The following ASIC2 variants were observed in gnomAD, a reference collection of about 807,000 sequenced individuals.
ASIC2 encodes the protein acid sensing ion channel subunit 2.
ASIC2 carries 25 observed loss-of-function variants against 57.3 expected under a neutral mutation model. That is an observed-to-expected ratio of 0.44 (90% confidence interval 0.32 to 0.61). The LOEUF (loss-of-function observed/expected upper bound fraction) is 0.61. Among genes scored for constraint, ASIC2 ranks in the 20% least tolerant of loss-of-function variants. ASIC2 has a pLI of 0.06. For synonymous variants in ASIC2, 319 were observed against 307.5 expected (o/e 1.04, Z -0.39); for missense variants, 641 against 738.1 (o/e 0.87, Z 1.52).
At chr17:33,307,554 C>A (rs1957091858) in intron 1 of ASIC2, among the ~76,000 whole-genome samples, 1 of 152,222 alleles carries the variant, frequency 6.6e-6, no homozygotes, top group Non-Finnish European at 1.5e-5. Context: ...AGGTGATCCA[C>A]CCGCCTCAGC....
At chr17:33,455,463 T>A (rs912752371) in intron 1 of ASIC2, among the ~76,000 whole-genome samples, 1 of 152,262 alleles carries the variant, frequency 6.6e-6, no homozygotes, top group African/African-American at 2.4e-5. Flanking sequence ...GTTTCTTTGT[T>A]AATTTACCTG....
chr17:33,899,206 A>G (rs1915178560), intron 1 of ASIC2, among the ~76,000 whole-genome samples: 1 of 151,638 alleles, frequency 6.6e-6, no homozygotes, highest in Non-Finnish European at 1.5e-5. Context: ...AGCTCCATTT[A>G]AGGAAGTATT....
chr17:33,073,387 G>A (rs1386522395), intron 3 of ASIC2, among the ~76,000 whole-genome samples: 1 of 152,198 alleles, frequency 6.6e-6, no homozygotes, highest in Non-Finnish European at 1.5e-5. Flanking sequence ...TGCGAGCTCA[G>A]AAGCAGCATG....
intron 4 of ASIC2, among the ~76,000 whole-genome samples, chr17:33,027,615 G>C (rs920752705): frequency 1.3e-5 from 2 of 152,174 alleles, no homozygotes; most frequent in Non-Finnish European, 2.9e-5. Context: ...TTAGTAACCA[G>C]GTCATACAGT....
chr17:33,759,442 A>G (rs1387606323), intron 1 of ASIC2, among the ~76,000 whole-genome samples: 2 of 152,208 alleles, frequency 1.3e-5, no homozygotes, highest in Non-Finnish European at 2.9e-5. Flanking sequence ...GTGGGAGATA[A>G]TAATAAAAAG....
chr17:33,173,935 G>T (rs1365053244), intron 1 of ASIC2, among the ~76,000 whole-genome samples: 2 of 152,184 alleles, frequency 1.3e-5, no homozygotes, highest in Non-Finnish European at 2.9e-5. Context: ...AGTAGCCTTT[G>T]AAGTGTTGAG....
Position 34,086,423 on chromosome 17 carries a change from T to C in ASIC2, c.555+69555A>G, listed in dbSNP as rs1266033510. On this transcript the variant is annotated intron_variant, in intron 1 of 9. Coordinates refer to the ASIC2 transcript ENST00000359872. ...GAGAGATAGTTTGTTATAATTTCTG[T>C]TCTTTTACATTTTCTGAGGAGAGCT... 5.9e-5 allele frequency among the ~76,000 whole-genome samples: 9 copies of C among 152,166 alleles called. No individual in the cohort carries two copies. In the East Asian group the frequency reaches 1.2e-3, roughly 20 times the overall value.
chr17:33,955,667 G>A (rs907457067), intron 1 of ASIC2: 2 of 152,248 alleles, frequency 1.3e-5, no homozygotes, highest in African/African-American at 4.8e-5. Flanking sequence ...AGCCCCACGG[G>A]ACCCCTCCTA....
chr17:33,491,020 C>T (rs1284841163), intron 1 of ASIC2, among the ~76,000 whole-genome samples: 6 of 152,212 alleles, frequency 3.9e-5, no homozygotes, highest in Non-Finnish European at 7.3e-5. Flanking sequence ...TGAGGTCGCT[C>T]TTCCCCACTT....
chr17:33,594,393 A>G (rs368766064), intron 1 of ASIC2, among the ~76,000 whole-genome samples: 340 of 152,360 alleles, frequency 2.2e-3, no homozygotes, highest in Non-Finnish European at 3.8e-3. Context: ...GAAGGTCAAC[A>G]TTGTCTACAG....
At chr17:33,056,529 C>A (rs1425305148) in intron 3 of ASIC2, among the ~76,000 whole-genome samples, 1 of 152,122 alleles carries the variant, frequency 6.6e-6, no homozygotes, top group African/African-American at 2.4e-5. Flanking sequence ...CTCTGTGAAC[C>A]TTTTCCAAGC....
intron 3 of ASIC2, among the ~76,000 whole-genome samples, chr17:33,032,733 C>A (rs750206432): frequency 6.6e-6 from 1 of 152,182 alleles, no homozygotes; most frequent in Non-Finnish European, 1.5e-5. Flanking sequence ...GAGGCATGAG[C>A]CACTGTGACT....
intron 1 of ASIC2, among the ~76,000 whole-genome samples, chr17:33,480,406 C>T (rs57464956): frequency 0.16 from 24,573 of 152,108 alleles, 2,147 homozygotes; most frequent in African/African-American, 0.22. Context: ...GAAGGAGCCA[C>T]ACAAGAGAAG....
chr17:33,773,016 C>G (rs942590441), intron 1 of ASIC2, among the ~76,000 whole-genome samples: 1 of 152,142 alleles, frequency 6.6e-6, no homozygotes, highest in Non-Finnish European at 1.5e-5. Flanking sequence ...GTTATTTGTG[C>G]CTACTGCAGA....
chr17:33,140,769 G>A (rs2092384535), intron 1 of ASIC2, among the ~76,000 whole-genome samples: 1 of 152,216 alleles, frequency 6.6e-6, no homozygotes, highest in Non-Finnish European at 1.5e-5. Context: ...TCCCTGTGCA[G>A]GACTATTAAA....
At chr17:33,799,373 TC>T (rs1912020049) in intron 1 of ASIC2, among the ~76,000 whole-genome samples, 6 of 113,016 alleles carry the variant, frequency 5.3e-5, no homozygotes, top group African/African-American at 1.7e-4. Flanking sequence ...TTTCTTTCTT[TC>T]TTCCTTTCTT....
intron 1 of ASIC2, among the ~76,000 whole-genome samples, chr17:33,194,790 G>A (rs1906561215): frequency 6.6e-6 from 1 of 152,172 alleles, no homozygotes; most frequent in Non-Finnish European, 1.5e-5. Flanking sequence ...CAATGTCATT[G>A]TTCTGACGCT....
chr17:33,024,918 G>A (rs1343302512), intron 5 of ASIC2, among the ~76,000 whole-genome samples: 2 of 152,132 alleles, frequency 1.3e-5, no homozygotes, highest in Non-Finnish European at 2.9e-5. Flanking sequence ...GACACCTGTT[G>A]CAATTGCCCT....
intron 1 of ASIC2, among the ~76,000 whole-genome samples, chr17:33,723,459 G>A (rs928878606): frequency 1.2e-4 from 19 of 152,168 alleles, no homozygotes; most frequent in African/African-American, 4.3e-4. Flanking sequence ...CTCCCCAGAA[G>A]CTGGGATTAC....
Sources: gnomAD v4.1 joint callset for allele counts (sites outside exome capture counted in the v4.1 genomes callset) on GRCh38, gnomAD v4.1.1 for gene constraint, MANE v1.5 for transcripts, NCBI Gene and HGNC (gene_info 2026-07-23, HGNC 2026-07-21) for gene names.